ARHGAP42: variants seen among roughly 807,000 people sequenced by gnomAD.
ARHGAP42 encodes rho GTPase-activating protein 42.
In ARHGAP42, 63 loss-of-function variants were observed where a neutral mutation model predicts 125.0. The ratio of observed to expected loss-of-function variants is 0.50; its 90% CI spans 0.41 to 0.62. ARHGAP42 has a LOEUF of 0.62. Among genes scored for constraint, ARHGAP42 ranks in the 20% least tolerant of loss-of-function variants. The pLI is 0.00. For synonymous variants in ARHGAP42, 339 were observed against 351.0 expected, an observed-to-expected ratio of 0.97 and a Z score of 0.38; for missense variants, 766 against 1,024.2, an observed-to-expected ratio of 0.75 and a Z score of 3.44.
At chr11:100,716,646 G>T (rs1861666009) in intron 1 of ARHGAP42, among the ~76,000 whole-genome samples, 1 of 152,112 alleles carries the variant, frequency 6.6e-6, no homozygotes, top group South Asian at 2.1e-4. Flanking sequence ...ATTAGAAAAT[G>T]ACTTGAATTT....
chr11:100,993,758 A>AT lies in ARHGAP42; in HGVS notation c.*4963dup, dbSNP rs1378583348. 1 of 167,046 alleles carries AT rather than the reference A, an allele frequency of 6.0e-6. No homozygotes were observed. Among genetic ancestry groups the AT allele is most frequent in the Non-Finnish European group, 1.5e-5 (1 of 68,104 alleles). The allele number at this position is 167,046 out of a possible 1,614,324, so 10.3% of individuals were successfully genotyped here. A position where few individuals can be genotyped will look rare whatever the true frequency, so the allele number is the denominator to read the frequency against. On this transcript the variant is annotated 3_prime_UTR_variant, in exon 24 of 24. Coordinates refer to ENST00000298815, the MANE Select transcript of ARHGAP42 (RefSeq NM_152432.4). ...GTGATTGTCCATAAATTATCATTGA[A>AT]TTTTTTGTTTATTTTGTAGTGTTCT...
At position 100,903,117 on chromosome 11, in the gene ARHGAP42, G is replaced by GCGCACACAGACACACACA. The variant is rs373508179; in HGVS notation, c.385-10334_385-10333insGCACACAGACACACACAC. ...TCCTCAATCTTGCTGTCCAAGATGC[G>GCGCACACAGACACACACA]CACACACACACACACACACACACAC... is the stretch of plus-strand genomic sequence containing the variant. On this transcript the variant is annotated intron_variant, in intron 4 of 23. Coordinates refer to ENST00000298815, the MANE Select transcript of ARHGAP42 (RefSeq NM_152432.4). Among the ~76,000 whole-genome samples, 10 of 132,036 alleles carry GCGCACACAGACACACACA rather than the reference G, an allele frequency of 7.6e-5. No individual in the cohort carries two copies. The East Asian group carries it at 1.8e-3, about 24-fold the overall frequency. The allele number at this position is 132,036 out of a possible 152,430, so 86.6% of individuals were successfully genotyped here.
intron 4 of ARHGAP42, among the ~76,000 whole-genome samples, chr11:100,867,509 A>G (rs1169345794): frequency 6.6e-6 from 1 of 152,210 alleles, no homozygotes; most frequent in African/African-American, 2.4e-5. Flanking sequence ...TTCTTCTGCA[A>G]TTTCCTTATT....
At chr11:100,716,399 A>G (rs937763339) in intron 1 of ARHGAP42, among the ~76,000 whole-genome samples, 3 of 152,216 alleles carry the variant, frequency 2.0e-5, no homozygotes, top group Admixed American at 1.3e-4. Context: ...AAACAAAACA[A>G]CCAGTGGATT....
intron 1 of ARHGAP42, among the ~76,000 whole-genome samples, chr11:100,733,535 T>A (rs78894707): frequency 0.062 from 9,462 of 152,166 alleles, 411 homozygotes; most frequent in East Asian, 0.21. Flanking sequence ...TAAAATGCAC[T>A]CCAGAGGGCT....
At chr11:100,949,570 G>A (rs1868119288) in intron 11 of ARHGAP42, among the ~76,000 whole-genome samples, 1 of 152,082 alleles carries the variant, frequency 6.6e-6, no homozygotes, top group Admixed American at 6.6e-5. Context: ...AGGCTAAGCA[G>A]GAAATTGGAA....
At chr11:100,840,358 C>T (rs367603357) in intron 3 of ARHGAP42, among the ~76,000 whole-genome samples, 1 of 152,158 alleles carries the variant, frequency 6.6e-6, no homozygotes, top group East Asian at 1.9e-4. Context: ...TTCCTCTGTC[C>T]CTTCAGCATT....
At chr11:100,921,426 C>T in intron 5 of ARHGAP42, 68 bp from the exon 6 acceptor site, 1 of 1,141,818 alleles carries the variant, frequency 8.8e-7, no homozygotes, top group Non-Finnish European at 1.2e-6. Context: ...AATAAAGATA[C>T]CAGAGCAGGA....
intron 4 of ARHGAP42, among the ~76,000 whole-genome samples, chr11:100,871,651 A>G (rs681742): frequency 0.037 from 5,594 of 152,242 alleles, 379 homozygotes; most frequent in African/African-American, 0.13. Context: ...TGTTTATTCT[A>G]TGAACAAAAT....
chr11:100,743,262 TA>T (rs1298856237), intron 1 of ARHGAP42, among the ~76,000 whole-genome samples: 2 of 152,208 alleles, frequency 1.3e-5, no homozygotes, highest in African/African-American at 4.8e-5. Flanking sequence ...GCTGGGCTGG[TA>T]ATGACAAATT....
At chr11:100,857,393 T>A (rs1439350345) in intron 3 of ARHGAP42, among the ~76,000 whole-genome samples, 1 of 152,096 alleles carries the variant, frequency 6.6e-6, no homozygotes, top group African/African-American at 2.4e-5. Flanking sequence ...TATGTAACAG[T>A]GAGAGAAGGG....
chr11:100,842,852 C>T (rs1440606629), intron 3 of ARHGAP42, among the ~76,000 whole-genome samples: 3 of 151,958 alleles, frequency 2.0e-5, no homozygotes, highest in Non-Finnish European at 4.4e-5. Flanking sequence ...GCCCTAAATG[C>T]CTGCATCAAA....
At chr11:100,918,939 G>T (rs886513941) in intron 5 of ARHGAP42, among the ~76,000 whole-genome samples, 3 of 151,986 alleles carry the variant, frequency 2.0e-5, no homozygotes, top group African/African-American at 7.3e-5. Flanking sequence ...TTTGTGTTGG[G>T]GTACCCAAGA....
Position 100,764,936 on chromosome 11 carries a change from A to G in ARHGAP42, c.155-5407A>G, listed in dbSNP as rs141582625. Among the ~76,000 whole-genome samples the G allele has an allele frequency of 7.4e-4, 113 of 152,328 alleles. 1 individual carries two copies. The highest frequency in any genetic ancestry group is 1.3e-3 in the Non-Finnish European group (88 of 68,024). ...CCCAACATAATGGGCAGTTAAAGGC[A>G]GAGATAGTGTCATGTTGAAAGGGGT... On this transcript the variant is annotated intron_variant, in intron 1 of 23. Transcript: ENST00000298815.
chr11:100,740,593 T>A (rs920222852), intron 1 of ARHGAP42, among the ~76,000 whole-genome samples: 2 of 152,072 alleles, frequency 1.3e-5, no homozygotes, highest in Non-Finnish European at 2.9e-5. Flanking sequence ...GGGAGGAGAA[T>A]GGAATGTGTA....
At chr11:100,983,440 C>A (rs768735805) in intron 22 of ARHGAP42, among the ~76,000 whole-genome samples, 33 of 152,118 alleles carry the variant, frequency 2.2e-4, no homozygotes, top group African/African-American at 1.9e-4. Context: ...CTGCCTGCCC[C>A]TCTATCTCCC....
At position 100,719,398 on chromosome 11, in the gene ARHGAP42, A is replaced by G. The variant is rs371933941; in HGVS notation, c.154+31566A>G. Reference sequence around the variant, plus strand: ...TGATAATTATTTAACATCAGTCTCCATGGCAGCAAGGGGAAAAGCTCTAGG... The same window carrying G: ...TGATAATTATTTAACATCAGTCTCCGTGGCAGCAAGGGGAAAAGCTCTAGG... On this transcript the variant is annotated intron_variant, in intron 1 of 23. Coordinates refer to ENST00000298815, the MANE Select transcript of ARHGAP42 (RefSeq NM_152432.4). Among the ~76,000 whole-genome samples, 6 of 152,234 alleles carry G rather than the reference A, an allele frequency of 3.9e-5. No homozygotes were observed. The East Asian group carries it at 7.7e-4, about 20-fold the overall frequency.
intron 4 of ARHGAP42, among the ~76,000 whole-genome samples, chr11:100,886,992 A>G (rs1012443227): frequency 1.3e-5 from 2 of 152,174 alleles, no homozygotes; most frequent in African/African-American, 4.8e-5. Flanking sequence ...TACCATGGAC[A>G]TGATACTGTG....
intron 1 of ARHGAP42, among the ~76,000 whole-genome samples, chr11:100,697,474 G>A (rs1407587591): frequency 2.0e-5 from 3 of 152,188 alleles, no homozygotes; most frequent in African/African-American, 7.2e-5. Flanking sequence ...GAGCCACCGC[G>A]CCCGGCCAAT....
Sources: allele counts gnomAD v4.1 joint callset (sites outside exome capture counted in the v4.1 genomes callset), GRCh38; gene constraint gnomAD v4.1.1; transcripts MANE v1.5; gene names NCBI Gene and HGNC (gene_info 2026-07-23, HGNC 2026-07-21).